The following RPRD2 variants were observed in gnomAD, a reference collection of about 807,000 sequenced individuals.
RPRD2 encodes regulation of nuclear pre-mRNA domain-containing protein 2.
RPRD2 carries 12 observed loss-of-function variants against 104.4 expected under a neutral mutation model. The observed-to-expected ratio is 0.11, with a 90% CI of 0.07 to 0.19. RPRD2 has a LOEUF of 0.19. Ranked by LOEUF, RPRD2 falls within the 10% of genes least tolerant of loss-of-function variation. RPRD2 has a pLI of 1.00. For missense variants in RPRD2, 1,543 were observed against 1,790.1 expected (o/e 0.86, Z 2.49); for synonymous variants, 714 against 684.9 (o/e 1.04, Z -0.66).
chr1:150,375,397 T>C (rs1660618052), intron 1 of RPRD2, among the ~76,000 whole-genome samples: 1 of 152,214 alleles, frequency 6.6e-6, no homozygotes, highest in Non-Finnish European at 1.5e-5. Context: ...TGGAGGTATC[T>C]TGAAAGGAAA....
At chr1:150,405,685 G>C (rs1663416344) in intron 1 of RPRD2, among the ~76,000 whole-genome samples, 1 of 151,930 alleles carries the variant, frequency 6.6e-6, no homozygotes, top group Admixed American at 6.6e-5. Flanking sequence ...TCACTTTCCT[G>C]GTTAACCATG....
intron 1 of RPRD2, among the ~76,000 whole-genome samples, chr1:150,383,895 T>C (rs955029140): frequency 6.6e-6 from 1 of 152,134 alleles, no homozygotes; most frequent in South Asian, 2.1e-4. Context: ...TGATAAGATA[T>C]GGAGAAAATA....
intron 2 of RPRD2, among the ~76,000 whole-genome samples, chr1:150,438,047 G>T (rs1382101248): frequency 6.7e-6 from 1 of 150,332 alleles, no homozygotes; most frequent in Non-Finnish European, 1.5e-5. Flanking sequence ...ACTTTGGGAG[G>T]CCGAGGCAGG....
chr1:150,442,089 G>A, intron 4 of RPRD2, 131 bp downstream of exon 4: 3 of 498,504 alleles, frequency 6.0e-6, no homozygotes, highest in South Asian at 2.3e-5. Flanking sequence ...GAGGCTCCCA[G>A]TGACCTATGC....
At chr1:150,397,469 AT>A (rs143726571) in intron 1 of RPRD2, among the ~76,000 whole-genome samples, 2,092 of 152,182 alleles carry the variant, frequency 0.014, 42 homozygotes, top group African/African-American at 0.048. Context: ...TACTCCCCAA[AT>A]TCTTCCCCAT....
chr1:150,474,710 G>C lies in RPRD2; in HGVS notation c.*1376G>C, dbSNP rs1372457929. ...TTTACTACAATTTTTTTTTAATTTAGTGTCTTACCCCAAGGCATACTCAAC... is the reference window on the plus strand; with the variant it reads ...TTTACTACAATTTTTTTTTAATTTACTGTCTTACCCCAAGGCATACTCAAC... On this transcript the variant is annotated 3_prime_UTR_variant, in exon 11 of 11. Coordinates refer to ENST00000369068, the MANE Select transcript of RPRD2 (RefSeq NM_015203.5). 1.3e-5 allele frequency: 2 copies of C among 151,906 alleles called. No individual in the cohort carries two copies. The highest frequency in any genetic ancestry group is 1.5e-5 in the Non-Finnish European group (1 of 68,000). The allele number at this position is 151,906 out of a possible 1,614,324, so 9.4% of individuals were successfully genotyped here.
chr1:150,398,384 GA>G (rs1662707215), intron 1 of RPRD2, among the ~76,000 whole-genome samples: 1 of 151,898 alleles, frequency 6.6e-6, no homozygotes, highest in South Asian at 2.1e-4. Context: ...TTTTAGTAGA[GA>G]CGGGGTTTCA....
intron 1 of RPRD2, among the ~76,000 whole-genome samples, chr1:150,383,110 C>T (rs587698044): frequency 2.0e-5 from 3 of 152,136 alleles, no homozygotes; most frequent in South Asian, 4.2e-4. Flanking sequence ...TTTCCCATCT[C>T]AGCCTCCTGA....
chr1:150,388,283 G>T (rs1661750853), intron 1 of RPRD2, among the ~76,000 whole-genome samples: 1 of 151,616 alleles, frequency 6.6e-6, no homozygotes, highest in Non-Finnish European at 1.5e-5. Flanking sequence ...AAGTTGTGAA[G>T]ATAGTACAGA....
At chr1:150,366,775 G>T (rs782330108) in intron 1 of RPRD2, among the ~76,000 whole-genome samples, 1 of 152,154 alleles carries the variant, frequency 6.6e-6, no homozygotes, top group African/African-American at 2.4e-5. Context: ...GTGAGTGAGA[G>T]AACCTCTTCT....
intron 1 of RPRD2, among the ~76,000 whole-genome samples, chr1:150,376,909 AC>A (rs1236654127): frequency 6.6e-6 from 1 of 151,276 alleles, no homozygotes; most frequent in East Asian, 2.0e-4. Flanking sequence ...GAGAAAATGA[AC>A]TTAGAAATAC....
At chr1:150,468,890 A>G (rs980677086) in intron 10 of RPRD2, among the ~76,000 whole-genome samples, 1 of 151,880 alleles carries the variant, frequency 6.6e-6, no homozygotes, top group Admixed American at 6.6e-5. Flanking sequence ...AAAAAAAAAA[A>G]GGAAACTATT....
chr1:150,384,493 AGG>A (rs1560155014), intron 1 of RPRD2, among the ~76,000 whole-genome samples: 2,494 of 143,512 alleles, frequency 0.017, 76 homozygotes, highest in African/African-American at 0.061. Flanking sequence ...TATTATTATT[AGG>A]GATGGAGCTC....
At chr1:150,402,970 A>G (rs1663170087) in intron 1 of RPRD2, among the ~76,000 whole-genome samples, 1 of 121,592 alleles carries the variant, frequency 8.2e-6, no homozygotes, top group Admixed American at 7.6e-5. Context: ...CTCTGCCTCA[A>G]AAAAACAAAA....
chr1:150,408,971 T>A (rs1187416764), intron 1 of RPRD2: 1 of 143,328 alleles, frequency 7.0e-6, no homozygotes, highest in African/African-American at 2.6e-5. Flanking sequence ...AATGCTTGTT[T>A]TCTGTAAAGA....
intron 1 of RPRD2, among the ~76,000 whole-genome samples, chr1:150,412,672 G>C (rs1211157155): frequency 6.6e-6 from 1 of 152,144 alleles, no homozygotes; most frequent in Non-Finnish European, 1.5e-5. Context: ...AAGTGTTTCA[G>C]CTTTTTCCAT....
chr1:150,453,346 A>C (rs1667326489), intron 7 of RPRD2, among the ~76,000 whole-genome samples: 1 of 152,034 alleles, frequency 6.6e-6, no homozygotes, highest in African/African-American at 2.4e-5. Flanking sequence ...GTTTTTACTT[A>C]ATCAGTTGTG....
At chr1:150,401,466 C>T (rs1205707053) in intron 1 of RPRD2, among the ~76,000 whole-genome samples, 1 of 151,306 alleles carries the variant, frequency 6.6e-6, no homozygotes, top group Non-Finnish European at 1.5e-5. Context: ...CCAGCCTGGG[C>T]AACAGAGCGA....
chr1:150,385,240 T>C (rs1661477777), intron 1 of RPRD2, among the ~76,000 whole-genome samples: 2 of 152,044 alleles, frequency 1.3e-5, no homozygotes, highest in Admixed American at 6.6e-5. Flanking sequence ...GGTGGGAGGA[T>C]TGCATGAGCC....
Sources: gnomAD v4.1 joint callset for allele counts (sites outside exome capture counted in the v4.1 genomes callset) on GRCh38, gnomAD v4.1.1 for gene constraint, MANE v1.5 for transcripts, NCBI Gene and HGNC (gene_info 2026-07-23, HGNC 2026-07-21) for gene names.